The following PPFIBP1 variants were observed in gnomAD, a reference collection of about 807,000 sequenced individuals.
The protein encoded by PPFIBP1 is PPFIB scaffold protein 1, also known as liprin-beta-1.
A neutral mutation model predicts 137.8 loss-of-function variants in PPFIBP1; 112 were observed. The observed-to-expected ratio is 0.81, with a 90% CI of 0.70 to 0.95. The LOEUF is 0.95. PPFIBP1 is among the 40% of genes least tolerant of loss of function. The probability of loss-of-function intolerance (pLI) is 0.00; values close to 1 mark genes in which losing one functional copy is unlikely to be tolerated. For missense variants in PPFIBP1, 1,083 were observed against 1,196.6 expected, an observed-to-expected ratio of 0.91 and a Z score of 1.40; for synonymous variants, 378 against 417.3, an observed-to-expected ratio of 0.91 and a Z score of 1.15.
At chr12:27,655,174 TC>T in intron 8 of PPFIBP1, 1 of 1,535,748 alleles carries the variant, frequency 6.5e-7, no homozygotes, top group Non-Finnish European at 8.7e-7. Context: ...AGCATGAAAA[TC>T]AAGGTGGGTC....
At chr12:27,585,869 A>G (rs1305635843) in intron 2 of PPFIBP1, among the ~76,000 whole-genome samples, 1 of 152,196 alleles carries the variant, frequency 6.6e-6, no homozygotes, top group Admixed American at 6.5e-5. Flanking sequence ...ACGAAGGTAC[A>G]AGGAACAAGT....
At chr12:27,680,884 G>A (rs2060835617) in intron 21 of PPFIBP1, among the ~76,000 whole-genome samples, 1 of 152,120 alleles carries the variant, frequency 6.6e-6, no homozygotes, top group Non-Finnish European at 1.5e-5. Flanking sequence ...GTGGAACACT[G>A]GACATAGGTT....
rs373452705 is a variant in PPFIBP1 at position 27,615,244 on chromosome 12, G to A, written c.-35-18118G>A. Among the ~76,000 whole-genome samples the A allele has an allele frequency of 7.1e-4, 108 of 152,280 alleles. 1 individual carries two copies. Among genetic ancestry groups the A allele is most frequent in the Admixed American group, 4.2e-3 (64 of 15,288 alleles). ...TATACAAGTTATTTGGAAAATTCCC[G>A]TGTCGCATGTTTTCAGTAGGATGTT... On this transcript the variant is annotated intron_variant, in intron 2 of 29. Transcript: ENST00000228425.
intron 2 of PPFIBP1, among the ~76,000 whole-genome samples, chr12:27,590,093 A>G (rs1457135280): frequency 6.6e-6 from 1 of 152,190 alleles, no homozygotes; most frequent in Non-Finnish European, 1.5e-5. Flanking sequence ...AATTATATAG[A>G]CAGGATACAT....
intron 2 of PPFIBP1, among the ~76,000 whole-genome samples, chr12:27,591,081 C>T (rs982967540): frequency 2.0e-5 from 3 of 151,682 alleles, no homozygotes; most frequent in Non-Finnish European, 2.9e-5. Flanking sequence ...GGCAATTGAG[C>T]CTAAAGATCA....
At chr12:27,531,370 G>T (rs917427008) in intron 1 of PPFIBP1, among the ~76,000 whole-genome samples, 1 of 151,966 alleles carries the variant, frequency 6.6e-6, no homozygotes, top group East Asian at 1.9e-4. Flanking sequence ...TCGGCTCACT[G>T]CAACCTCCAC....
chr12:27,676,626 C>T (rs766292432), intron 18 of PPFIBP1, 27 bp downstream of exon 18: 1 of 1,507,306 alleles, frequency 6.6e-7, no homozygotes. Context: ...TGCCTTTGCC[C>T]TAATTCTTCC....
chr12:27,686,585 A>G (rs1006562516), intron 24 of PPFIBP1, among the ~76,000 whole-genome samples: 7 of 152,190 alleles, frequency 4.6e-5, no homozygotes, highest in African/African-American at 1.7e-4. Context: ...ATTGTTCACA[A>G]TGTCTGCTAG....
At chr12:27,595,893 ATATAT>A (rs1565838172) in intron 2 of PPFIBP1, among the ~76,000 whole-genome samples, 921 of 84,292 alleles carry the variant, frequency 0.011, 3 homozygotes, top group African/African-American at 0.018. Context: ...CAAAATATAT[ATATAT>A]ATATATATAT....
intron 21 of PPFIBP1, 47 bp from the exon 22 acceptor site, chr12:27,681,499 G>A (rs1195340248): frequency 6.3e-7 from 1 of 1,583,826 alleles, no homozygotes; most frequent in Admixed American, 1.7e-5. Flanking sequence ...ATAAGCCACA[G>A]GATTGGCTTT....
intron 7 of PPFIBP1, 23 bp downstream of exon 7, chr12:27,650,164 CCT>C (rs367885450): frequency 0.056 from 74,169 of 1,332,864 alleles, no homozygotes; most frequent in South Asian, 0.09. Context: ...GTCTCTCCTC[CCT>C]CTCTCTCTCT....
chr12:27,679,770 AT>A, intron 20 of PPFIBP1, 131 bp downstream of exon 20: 3 of 1,377,018 alleles, frequency 2.2e-6, no homozygotes, highest in Non-Finnish European at 3.0e-6. Context: ...GTGATGTGGG[AT>A]TTATTAACTC....
rs780392056 is a variant in PPFIBP1, at chr12:27,650,102, G to A, written c.564G>A (p.Lys188=). 2 of 1,608,698 alleles carry A rather than the reference G, an allele frequency of 1.2e-6. No individual in the cohort carries two copies. The highest frequency in any genetic ancestry group is 2.2e-5 in the South Asian group (2 of 90,902). Residue 188 remains lysine (K), a synonymous_variant, in exon 7 of 30, where the codon AAG becomes AAA. Transcript: ENST00000228425. The stretch of plus-strand genomic sequence containing the variant: ...AGTTGAAACTGACAGCTGTAGAGAA[G>A]GACAGATTGGATTATGAAGATAAGT... ...NLKLKLTAVE[K]DRLDYEDKFR... is the part of the protein sequence containing the mutation.
In PPFIBP1 at chr12:27,660,864, T is replaced by C. The variant is rs1330364489; in HGVS notation, c.845-20T>C. ...CACACATGTGAACTGAACTGACTTCTGATTTGATGTTATTTTCAGACATCG... is the reference window on the plus strand; with the variant it reads ...CACACATGTGAACTGAACTGACTTCCGATTTGATGTTATTTTCAGACATCG... On this transcript the variant is annotated intron_variant, in intron 10 of 29. Transcript: ENST00000228425. The C allele has an allele frequency of 6.2e-7, 1 of 1,612,576 alleles. No individual in the cohort carries two copies. The highest frequency in any genetic ancestry group is 1.3e-5 in the African/African-American group (1 of 74,814).
chr12:27,624,276 C>G (rs189888442), intron 2 of PPFIBP1, among the ~76,000 whole-genome samples: 2 of 152,314 alleles, frequency 1.3e-5, no homozygotes, highest in East Asian at 3.9e-4. Flanking sequence ...TCAAATCTCA[C>G]TTATTCAGTG....
intron 2 of PPFIBP1, among the ~76,000 whole-genome samples, chr12:27,597,337 G>A (rs1384394787): frequency 6.6e-6 from 1 of 152,074 alleles, no homozygotes; most frequent in African/African-American, 2.4e-5. Flanking sequence ...TGTATTTTTA[G>A]TAGAGACGGG....
rs578061686 is a variant in PPFIBP1 at position 27,592,680 on chromosome 12, C to T, written c.-36+14441C>T. ...TGTGGGAAGGAGTGTCATCCTTCTCCGGCTGCTCTGACAGGATTGAGATCT... is the reference window on the plus strand; with the variant it reads ...TGTGGGAAGGAGTGTCATCCTTCTCTGGCTGCTCTGACAGGATTGAGATCT... On this transcript the variant is annotated intron_variant, in intron 2 of 29. Transcript: ENST00000228425. The T allele has an allele frequency of 2.0e-4, 292 of 1,432,182 alleles. 1 individual carries two copies. In the African/African-American group the frequency reaches 3.5e-3, roughly 17 times the overall value. 88.7% of individuals were successfully genotyped at this position (1,432,182 alleles called of 1,614,324 possible).
chr12:27,571,159 A>G (rs2050109284), intron 1 of PPFIBP1, among the ~76,000 whole-genome samples: 1 of 152,182 alleles, frequency 6.6e-6, no homozygotes, highest in Non-Finnish European at 1.5e-5. Context: ...AATTATTGGT[A>G]ACCACTCCTG....
In PPFIBP1 at chr12:27,654,784, T is replaced by G; in HGVS notation, c.666T>G (p.Leu222=). ...LKVSEMDSER[L]QYEKKLKSTK... is the part of the protein sequence containing the mutation. ...TTAGTGAAATGGACAGTGAGAGACT[T>G]CAGTATGAAAAAAAGCTTAAATCAA... Residue 222 remains leucine (L), a synonymous_variant, in exon 8 of 30, where the codon CTT becomes CTG. Coordinates refer to ENST00000228425, the MANE Select transcript of PPFIBP1 (RefSeq NM_003622.4). 6.2e-7 allele frequency: 1 copy of G among 1,612,250 alleles called. No individual in the cohort carries two copies. Among genetic ancestry groups the G allele is most frequent in the Non-Finnish European group, 8.5e-7 (1 of 1,179,534 alleles).
Sources: allele counts gnomAD v4.1 joint callset (sites outside exome capture counted in the v4.1 genomes callset), GRCh38; gene constraint gnomAD v4.1.1; transcripts MANE v1.5; gene names NCBI Gene and HGNC (gene_info 2026-07-23, HGNC 2026-07-21).